The following ABHD10 variants were observed in gnomAD, a reference collection of about 807,000 sequenced individuals.
ABHD10 encodes the protein palmitoyl-protein thioesterase ABHD10, mitochondrial.
ABHD10 carries 22 observed loss-of-function variants against 33.1 expected under a neutral mutation model. The ratio of observed to expected loss-of-function variants is 0.66; its 90% CI spans 0.47 to 0.95. ABHD10 has a LOEUF of 0.95. Among genes scored for constraint, ABHD10 ranks in the 40% least tolerant of loss-of-function variants. ABHD10 has a pLI of 0.00. For missense variants in ABHD10, 352 were observed against 379.9 expected (o/e 0.93, Z 0.61); for synonymous variants, 146 against 133.9 (o/e 1.09, Z -0.62).
intron 1 of ABHD10, among the ~76,000 whole-genome samples, chr3:111,979,956 C>T (rs548476751): frequency 6.6e-6 from 1 of 152,138 alleles, no homozygotes; most frequent in Non-Finnish European, 1.5e-5. Flanking sequence ...TAATTGTGCG[C>T]AACCAAAAGG....
At chr3:111,991,265 A>G (rs2072735792) in intron 4 of ABHD10, 112 bp from the exon 5 acceptor site, 1 of 835,476 alleles carries the variant, frequency 1.2e-6, no homozygotes, top group Admixed American at 3.1e-5. Flanking sequence ...TACTTTTGTT[A>G]TCTCTATCCT....
intron 4 of ABHD10, among the ~76,000 whole-genome samples, chr3:111,988,946 G>C (rs2072707344): frequency 6.6e-6 from 1 of 152,124 alleles, no homozygotes; most frequent in Non-Finnish European, 1.5e-5. Flanking sequence ...GCATAGGGTA[G>C]ATACTTTCTA....
In ABHD10 at chr3:111,987,133, G is replaced by A. The variant is rs969624199; in HGVS notation, c.576+82G>A. The A allele has an allele frequency of 5.3e-6, 8 of 1,507,222 alleles. No homozygotes were observed. The African/African-American group carries it at 9.9e-5, about 19-fold the overall frequency. 93.4% of individuals were successfully genotyped at this position (1,507,222 alleles called of 1,614,324 possible). A position where few individuals can be genotyped will look rare whatever the true frequency, so the allele number is the denominator to read the frequency against. ...CTCCCTCTTTCTTTGAGGGAAGGGG[G>A]GACAGAAAACAATAATTCCTTTGAC... is the stretch of plus-strand genomic sequence containing the variant. On this transcript the variant is annotated intron_variant, in intron 4 of 4. Transcript: ENST00000273359.
intron 4 of ABHD10, among the ~76,000 whole-genome samples, chr3:111,987,399 C>G (rs905391042): frequency 2.0e-5 from 3 of 152,046 alleles, no homozygotes; most frequent in African/African-American, 7.2e-5. Flanking sequence ...TTTTGGTCCT[C>G]TTACTTTGTG....
chr3:111,987,035 A>C lies in ABHD10; in HGVS notation c.560A>C (p.Asn187Thr). Residue 187 changes from asparagine (N) to threonine (T), a missense_variant, in exon 4 of 5, where the codon AAT (asparagine) becomes ACT (threonine). Coordinates refer to ENST00000273359, the MANE Select transcript of ABHD10 (RefSeq NM_018394.4). ...GCAGATACCTTAGTGACAAAGTTTA[A>C]TCAGCTTCCTGTTGAGGTAAGTCAA... ...TAADTLVTKF[N>T]QLPVELKKEV... 6.2e-7 allele frequency: 1 copy of C among 1,612,650 alleles called. No homozygotes were observed. The highest frequency in any genetic ancestry group is 8.5e-7 in the Non-Finnish European group (1 of 1,179,778).
intron 1 of ABHD10, 47 bp downstream of exon 1, chr3:111,979,250 C>T (rs961171051): frequency 6.4e-7 from 1 of 1,551,584 alleles, no homozygotes; most frequent in Non-Finnish European, 8.7e-7. Context: ...TCGAACGCCT[C>T]GGGTTCCGTC....
chr3:111,988,570 C>A lies in ABHD10; in HGVS notation c.576+1519C>A, dbSNP rs1348532624. Among the ~76,000 whole-genome samples the A allele has an allele frequency of 1.3e-5, 2 of 151,604 alleles. 1 individual carries two copies. The highest frequency in any genetic ancestry group is 6.3e-3 in the Middle Eastern group (2 of 316). ...TGTAATTATTGGTAAATGACAAAAC[C>A]TGTGTACATTTGTTTTGGTTTTGTT... On this transcript the variant is annotated intron_variant, in intron 4 of 4. Coordinates refer to ENST00000273359, the MANE Select transcript of ABHD10 (RefSeq NM_018394.4).
Position 111,991,688 on chromosome 3 carries a change from C to T in ABHD10, c.888C>T (p.Asp296=), listed in dbSNP as rs985885227. ...AACTTCTTGTTTACACTATTGATGA[C>T]TTAATTGATAAGCTCTCAACTATAG... The part of the protein sequence containing the change: ...DIQLLVYTID[D]LIDKLSTIVN The change falls in exon 5 of 5, where the codon GAC becomes GAT. Residue 296 remains aspartate (D), a synonymous_variant. Transcript: ENST00000273359. The T allele has an allele frequency of 6.2e-7, 1 of 1,613,582 alleles. No individual in the cohort carries two copies. The highest frequency in any genetic ancestry group is 1.3e-5 in the African/African-American group (1 of 74,920).
In ABHD10 at chr3:111,992,226, G is replaced by A. The variant is rs2072749957; in HGVS notation, c.*505G>A. On this transcript the variant is annotated 3_prime_UTR_variant, in exon 5 of 5. Coordinates refer to ENST00000273359, the MANE Select transcript of ABHD10 (RefSeq NM_018394.4). ...GATAATACTTTATATAATGTATAAAGTATATATAATATAATATATATGTTA... is the reference window on the plus strand; with the variant it reads ...GATAATACTTTATATAATGTATAAAATATATATAATATAATATATATGTTA... 1.5e-5 allele frequency: 2 copies of A among 133,964 alleles called. No homozygotes were observed. Among genetic ancestry groups the A allele is most frequent in the South Asian group, 4.5e-4 (2 of 4,434 alleles). The allele number at this position is 133,964 out of a possible 1,614,324, so 8.3% of individuals were successfully genotyped here.
chr3:111,990,908 G>T (rs1440954222), intron 4 of ABHD10, among the ~76,000 whole-genome samples: 1 of 152,004 alleles, frequency 6.6e-6, no homozygotes, highest in African/African-American at 2.4e-5. Flanking sequence ...TTTATTCTAA[G>T]ATTTGATTTT....
intron 1 of ABHD10, among the ~76,000 whole-genome samples, 161 bp from the exon 2 acceptor site, chr3:111,981,623 G>A (rs2072586329): frequency 6.6e-6 from 1 of 152,176 alleles, no homozygotes; most frequent in Non-Finnish European, 1.5e-5. Context: ...CTCATGCACA[G>A]ACTTACTTAG....
At chr3:111,991,236 T>C in intron 4 of ABHD10, 141 bp from the exon 5 acceptor site, 2 of 661,956 alleles carry the variant, frequency 3.0e-6, no homozygotes, top group Non-Finnish European at 5.0e-6. Context: ...GTAGTAATTA[T>C]TGATAATTAT....
chr3:111,987,433 C>T (rs767667230), intron 4 of ABHD10, among the ~76,000 whole-genome samples: 28 of 152,048 alleles, frequency 1.8e-4, no homozygotes, highest in Non-Finnish European at 3.4e-4. Flanking sequence ...AGTGCCTGTT[C>T]TTATGACTAT....
chr3:111,980,142 A>G (rs2072563718), intron 1 of ABHD10, among the ~76,000 whole-genome samples: 1 of 152,238 alleles, frequency 6.6e-6, no homozygotes, highest in Non-Finnish European at 1.5e-5. Flanking sequence ...CTGTCTACTT[A>G]GAACTTACAT....
intron 3 of ABHD10, 72 bp downstream of exon 3, chr3:111,986,447 G>GTTTTGT (rs2072662995): frequency 3.2e-6 from 4 of 1,262,058 alleles, no homozygotes; most frequent in African/African-American, 1.5e-5. Context: ...GTTTTGTTTT[G>GTTTTGT]TTTTTTGAGA....
At chr3:111,987,160 T>C in intron 4 of ABHD10, 109 bp downstream of exon 4, 1 of 1,327,700 alleles carries the variant, frequency 7.5e-7, no homozygotes, top group East Asian at 2.4e-5. Context: ...TCCTTTGACT[T>C]ACTGTGCTGG....
intron 4 of ABHD10, among the ~76,000 whole-genome samples, chr3:111,990,319 G>A (rs1339993605): frequency 6.6e-6 from 1 of 151,734 alleles, no homozygotes; most frequent in African/African-American, 2.4e-5. Flanking sequence ...AAACAGCATA[G>A]AAAACTGTAT....
At chr3:111,985,499 A>G (rs1444672046) in intron 2 of ABHD10, among the ~76,000 whole-genome samples, 2 of 152,210 alleles carry the variant, frequency 1.3e-5, no homozygotes, top group Non-Finnish European at 2.9e-5. Context: ...ACGCATTGAA[A>G]CAAAGCTTGT....
At chr3:111,987,553 G>GA (rs2072683410) in intron 4 of ABHD10, among the ~76,000 whole-genome samples, 1 of 151,500 alleles carries the variant, frequency 6.6e-6, no homozygotes, top group Admixed American at 6.6e-5. Flanking sequence ...AAGTCTCTGA[G>GA]AAAAAAAATG....
Sources: gnomAD v4.1 joint callset for allele counts (sites outside exome capture counted in the v4.1 genomes callset) on GRCh38, gnomAD v4.1.1 for gene constraint, MANE v1.5 for transcripts, NCBI Gene and HGNC (gene_info 2026-07-23, HGNC 2026-07-21) for gene names.